SHOC2: variants seen among roughly 807,000 people sequenced by gnomAD.
SHOC2 encodes the protein SHOC2 leucine rich repeat scaffold protein, also known as leucine-rich repeat protein SHOC-2.
SHOC2 carries 4 observed loss-of-function variants against 50.2 expected under a neutral mutation model. The ratio of observed to expected loss-of-function variants is 0.08; its 90% CI spans 0.04 to 0.18. SHOC2 has a LOEUF of 0.18. SHOC2 is among the 10% of genes least tolerant of loss of function. The probability of loss-of-function intolerance (pLI) is 1.00; values close to 1 mark genes in which losing one functional copy is unlikely to be tolerated. For missense variants in SHOC2, 388 were observed against 669.6 expected, an observed-to-expected ratio of 0.58 and a Z score of 4.64; for synonymous variants, 218 against 244.5, an observed-to-expected ratio of 0.89 and a Z score of 1.01.
chr10:110,979,013 GTTATC>G (rs1027618073), intron 2 of SHOC2, among the ~76,000 whole-genome samples: 1 of 152,190 alleles, frequency 6.6e-6, no homozygotes, highest in African/African-American at 2.4e-5. Context: ...ACAATCATTT[GTTATC>G]TTATAGTTTC....
At chr10:110,981,245 T>G (rs1321016162) in intron 2 of SHOC2, among the ~76,000 whole-genome samples, 2 of 152,234 alleles carry the variant, frequency 1.3e-5, no homozygotes, top group African/African-American at 4.8e-5. Flanking sequence ...AATTGTAAGT[T>G]TCATGAATAC....
chr10:110,960,933 T>G (rs1412273112), intron 1 of SHOC2, among the ~76,000 whole-genome samples: 1 of 152,166 alleles, frequency 6.6e-6, no homozygotes, highest in Non-Finnish European at 1.5e-5. Flanking sequence ...TGCCTCAGCC[T>G]CCCAAAGTGC....
At chr10:110,944,971 G>A (rs1175000472) in intron 1 of SHOC2, among the ~76,000 whole-genome samples, 4 of 152,156 alleles carry the variant, frequency 2.6e-5, no homozygotes, top group African/African-American at 9.7e-5. Context: ...CAAAGCTTAG[G>A]CCCTTTTCAG....
intron 2 of SHOC2, among the ~76,000 whole-genome samples, chr10:110,967,107 C>G (rs535426135): frequency 6.6e-6 from 1 of 152,134 alleles, no homozygotes; most frequent in Non-Finnish European, 1.5e-5. Flanking sequence ...AATCATAATA[C>G]TATACATTGT....
chr10:111,005,214 CA>C (rs1313661350), intron 5 of SHOC2, among the ~76,000 whole-genome samples: 2 of 152,046 alleles, frequency 1.3e-5, no homozygotes, highest in Non-Finnish European at 2.9e-5. Flanking sequence ...TTCAAGGCTG[CA>C]GTGAGTTATG....
chr10:110,959,485 C>T (rs1439510432), intron 1 of SHOC2, among the ~76,000 whole-genome samples: 1 of 152,148 alleles, frequency 6.6e-6, no homozygotes, highest in Non-Finnish European at 1.5e-5. Flanking sequence ...TTGAGACAAC[C>T]TAAAGTGAAC....
At position 110,964,535 on chromosome 10, in the gene SHOC2, T is replaced by C; in HGVS notation, c.177T>C (p.Ala59=). ...AAGATGGAAAGAAGGACTCCAGTGC[T>C]GCCCAACCAGGGGTGGCATTTTCAG... is the stretch of plus-strand genomic sequence containing the variant. ...DAKDGKKDSS[A]AQPGVAFSVD... is the part of the protein sequence containing the mutation. Residue 59 remains alanine (A), a synonymous_variant, in exon 2 of 9, where the codon GCT becomes GCC. Coordinates refer to ENST00000369452, the MANE Select transcript of SHOC2 (RefSeq NM_007373.4). This position sits in a 1 kb window ranked among gnomAD's most constrained non-coding sequence, Gnocchi z 4.9. 6.2e-7 allele frequency: 1 copy of C among 1,614,084 alleles called. No homozygotes were observed. The highest frequency in any genetic ancestry group is 2.2e-5 in the East Asian group (1 of 44,878).
At chr10:110,988,264 T>C (rs1020495723) in intron 3 of SHOC2, among the ~76,000 whole-genome samples, 3 of 152,154 alleles carry the variant, frequency 2.0e-5, no homozygotes, top group Admixed American at 6.5e-5. Flanking sequence ...GAATAGTTTG[T>C]ATGAAATTGC....
intron 2 of SHOC2, among the ~76,000 whole-genome samples, chr10:110,981,875 T>TTATTATACTC (rs1564721047): frequency 2.0e-3 from 22 of 11,128 alleles, no homozygotes; most frequent in Non-Finnish European, 3.4e-3. Flanking sequence ...TATTTATTTT[T>TTATTATACTC]TTAAGTTTTA....
chr10:110,970,799 T>A (rs1231554700), intron 2 of SHOC2, among the ~76,000 whole-genome samples: 9 of 151,904 alleles, frequency 5.9e-5, no homozygotes, highest in Admixed American at 5.2e-4. Flanking sequence ...CATTGTACTT[T>A]CGATTTTCAT....
chr10:110,961,643 G>A (rs914448231), intron 1 of SHOC2, among the ~76,000 whole-genome samples: 4 of 152,144 alleles, frequency 2.6e-5, no homozygotes, highest in African/African-American at 4.8e-5. Context: ...GCTACAGGAT[G>A]AGTTTGGGGG....
At chr10:110,977,003 T>C (rs1225948499) in intron 2 of SHOC2, among the ~76,000 whole-genome samples, 3 of 152,210 alleles carry the variant, frequency 2.0e-5, no homozygotes, top group African/African-American at 4.8e-5. Context: ...TATCATTTCT[T>C]CTTCAGTGTC....
intron 2 of SHOC2, among the ~76,000 whole-genome samples, chr10:110,975,915 CT>C (rs146777123): frequency 1.1e-4 from 16 of 148,294 alleles, no homozygotes; most frequent in South Asian, 2.1e-4. Flanking sequence ...TTCTCTTCTT[CT>C]TTTTTTTTTG....
At chr10:110,951,597 G>A (rs922558639) in intron 1 of SHOC2, 3 of 152,152 alleles carry the variant, frequency 2.0e-5, no homozygotes, top group Non-Finnish European at 4.4e-5. Context: ...ACGTTCCCAT[G>A]TTCATTGCAG....
intron 1 of SHOC2, among the ~76,000 whole-genome samples, chr10:110,925,600 G>A (rs1846755483): frequency 6.6e-6 from 1 of 152,112 alleles, no homozygotes; most frequent in Admixed American, 6.6e-5. Flanking sequence ...TGGACTACAG[G>A]TGTGTACCAC....
chr10:110,973,448 A>AT (rs886783699), intron 2 of SHOC2, among the ~76,000 whole-genome samples: 36 of 151,736 alleles, frequency 2.4e-4, no homozygotes, highest in African/African-American at 7.5e-4. Flanking sequence ...TTTGTTAAGG[A>AT]TTTTTTTTGT....
At chr10:110,936,971 A>T (rs1350020805) in intron 1 of SHOC2, 2 of 1,452,230 alleles carry the variant, frequency 1.4e-6, no homozygotes, top group East Asian at 2.3e-5. Context: ...CTTGTGGGGC[A>T]GCATACTTCG....
chr10:110,962,496 A>G (rs1847590780), intron 1 of SHOC2, among the ~76,000 whole-genome samples: 1 of 152,086 alleles, frequency 6.6e-6, no homozygotes, highest in Admixed American at 6.6e-5. Flanking sequence ...TTGAATAGTA[A>G]TAGATAGAGC....
rs1405088035 is a variant in SHOC2, at chr10:110,964,159, T to A, written c.-200T>A. 6 of 679,960 alleles carry A rather than the reference T, an allele frequency of 8.8e-6. No homozygotes were observed. The highest frequency in any genetic ancestry group is 1.5e-5 in the Non-Finnish European group (6 of 413,740). 42.1% of individuals were successfully genotyped at this position (679,960 alleles called of 1,614,324 possible). A position where few individuals can be genotyped will look rare whatever the true frequency, so the allele number is the denominator to read the frequency against. On this transcript the variant is annotated 5_prime_UTR_variant, in exon 2 of 9. Coordinates refer to ENST00000369452, the MANE Select transcript of SHOC2 (RefSeq NM_007373.4). The surrounding 1 kb of genome is among the most constrained non-coding windows in gnomAD (Gnocchi z 4.9). ...TGAATCATTGATTGACCAGCACTAT[T>A]TTACCAGTTGGAATGAATGATCAGA...
Sources: allele counts gnomAD v4.1 joint callset (sites outside exome capture counted in the v4.1 genomes callset), GRCh38; gene constraint gnomAD v4.1.1; non-coding constraint Gnocchi (gnomAD v3.1); transcripts MANE v1.5; gene names NCBI Gene and HGNC (gene_info 2026-07-23, HGNC 2026-07-21).